Variants in LRMDA observed in about 807,000 individuals in gnomAD.
LRMDA encodes the protein leucine rich melanocyte differentiation associated.
A neutral mutation model predicts 29.8 loss-of-function variants in LRMDA; 18 were observed. The observed-to-expected ratio is 0.60, with a 90% CI of 0.42 to 0.90. The LOEUF (loss-of-function observed/expected upper bound fraction) is 0.90. Ranked by LOEUF, LRMDA falls within the 40% of genes least tolerant of loss-of-function variation. The pLI is 0.00. For synonymous variants in LRMDA, 125 were observed against 109.4 expected, an observed-to-expected ratio of 1.14 and a Z score of -0.89; for missense variants, 273 against 273.9, an observed-to-expected ratio of 1.00 and a Z score of 0.02.
At chr10:76,528,008 G>A (rs1188551057) in intron 6 of LRMDA, among the ~76,000 whole-genome samples, 2 of 152,062 alleles carry the variant, frequency 1.3e-5, no homozygotes, top group Non-Finnish European at 2.9e-5. Context: ...AAAAAGTAAA[G>A]CAACTCTTGG....
intron 2 of LRMDA, among the ~76,000 whole-genome samples, chr10:75,899,300 A>G (rs190617271): frequency 7.9e-5 from 12 of 152,360 alleles, no homozygotes; most frequent in Middle Eastern, 3.4e-3. Context: ...CGATGCTAGA[A>G]TAAGTCTAGC....
intron 5 of LRMDA, among the ~76,000 whole-genome samples, chr10:76,141,464 T>A (rs1025155052): frequency 6.6e-6 from 1 of 152,164 alleles, no homozygotes; most frequent in Admixed American, 6.6e-5. Flanking sequence ...TCATGTGTAA[T>A]TAACATACTG....
intron 6 of LRMDA, among the ~76,000 whole-genome samples, chr10:76,454,388 A>T (rs1351487447): frequency 6.6e-6 from 1 of 152,196 alleles, no homozygotes; most frequent in African/African-American, 2.4e-5. Context: ...TGTTTAATGC[A>T]GACTCCCTAA....
intron 5 of LRMDA, among the ~76,000 whole-genome samples, chr10:76,304,248 T>A (rs1201536063): frequency 6.6e-6 from 1 of 152,194 alleles, no homozygotes; most frequent in Non-Finnish European, 1.5e-5. Context: ...GGGTCCCTCC[T>A]GCCAGATCCC....
chr10:75,921,932 C>T (rs1445997532), intron 2 of LRMDA, among the ~76,000 whole-genome samples: 3 of 152,188 alleles, frequency 2.0e-5, no homozygotes, highest in African/African-American at 7.2e-5. Flanking sequence ...ATTAATGTGT[C>T]TTAACAGTAA....
chr10:75,757,286 C>T (rs1843043592), intron 2 of LRMDA, among the ~76,000 whole-genome samples: 1 of 152,156 alleles, frequency 6.6e-6, no homozygotes, highest in Admixed American at 6.5e-5. Context: ...TCTCAGTCAG[C>T]ACTCAGGGGA....
intron 2 of LRMDA, among the ~76,000 whole-genome samples, chr10:75,462,361 C>T (rs992721416): frequency 1.5e-4 from 23 of 152,270 alleles, no homozygotes; most frequent in African/African-American, 4.8e-4. Flanking sequence ...TTTACATCAG[C>T]GGCAGGTGTA....
intron 5 of LRMDA, among the ~76,000 whole-genome samples, chr10:76,280,478 A>G (rs1165599601): frequency 1.3e-5 from 2 of 152,202 alleles, no homozygotes; most frequent in Non-Finnish European, 2.9e-5. Flanking sequence ...ACTGAAAATT[A>G]TTGATACCCT....
chr10:75,446,152 G>A (rs886554301), intron 2 of LRMDA, among the ~76,000 whole-genome samples: 15 of 152,234 alleles, frequency 9.9e-5, no homozygotes, highest in Non-Finnish European at 7.3e-5. Flanking sequence ...GAGCTGGGCT[G>A]TTAACTTGCT....
rs564970802 is a variant in LRMDA, at chr10:76,463,906, G to A, written c.602-93303G>A. On this transcript the variant is annotated intron_variant, in intron 6 of 6. Transcript: ENST00000611255. ...CAGTCCAGTGCCTGGCACACAGTAG[G>A]TGCAAAATAAATTTTTTTTTTTTTT... Among the ~76,000 whole-genome samples, 13 of 122,768 alleles carry A rather than the reference G, an allele frequency of 1.1e-4. No homozygotes were observed. In the South Asian group the frequency reaches 3.2e-3, roughly 30 times the overall value. 80.5% of individuals were successfully genotyped at this position (122,768 alleles called of 152,430 possible).
At chr10:75,562,829 C>A (rs1425681446) in intron 2 of LRMDA, among the ~76,000 whole-genome samples, 2 of 152,122 alleles carry the variant, frequency 1.3e-5, no homozygotes, top group Non-Finnish European at 2.9e-5. Flanking sequence ...ATTGAAAATT[C>A]TTTTCTTTAA....
intron 6 of LRMDA, among the ~76,000 whole-genome samples, chr10:76,477,456 C>T (rs4745817): frequency 7.3e-5 from 11 of 151,526 alleles, no homozygotes; most frequent in Non-Finnish European, 1.0e-4. Flanking sequence ...GAATCAATAT[C>T]GTGAAAATGG....
chr10:76,010,871 C>T (rs978203604), intron 2 of LRMDA, among the ~76,000 whole-genome samples: 5 of 152,242 alleles, frequency 3.3e-5, no homozygotes, highest in Admixed American at 2.0e-4. Context: ...CATGGCCAGC[C>T]CTGGCTGAAC....
intron 2 of LRMDA, among the ~76,000 whole-genome samples, chr10:75,587,068 C>G (rs182435267): frequency 1.3e-5 from 2 of 152,236 alleles, no homozygotes; most frequent in Admixed American, 1.3e-4. Context: ...TGTCAAGAAG[C>G]CTTTCCTCGG....
chr10:75,431,843 C>A, intron 1 of LRMDA, 89 bp downstream of exon 1: 2 of 1,197,986 alleles, frequency 1.7e-6, no homozygotes, highest in Non-Finnish European at 2.1e-6. Context: ...GGCCTAGACA[C>A]CCCTGTCCCC....
intron 5 of LRMDA, among the ~76,000 whole-genome samples, chr10:76,145,045 G>C (rs186016199): frequency 0.023 from 3,452 of 152,236 alleles, 55 homozygotes; most frequent in Non-Finnish European, 0.032. Flanking sequence ...ATGAAGCCCA[G>C]TTGATCATGG....
chr10:75,858,534 C>T (rs1175189412), intron 2 of LRMDA, among the ~76,000 whole-genome samples: 1 of 152,166 alleles, frequency 6.6e-6, no homozygotes, highest in Non-Finnish European at 1.5e-5. Flanking sequence ...TTCCCTTGAC[C>T]AAGTCACATG....
At chr10:76,492,192 C>T (rs1842840125) in intron 6 of LRMDA, among the ~76,000 whole-genome samples, 1 of 151,964 alleles carries the variant, frequency 6.6e-6, no homozygotes, top group South Asian at 2.1e-4. Context: ...AGAATTGGTC[C>T]CTGGTGGTTT....
intron 5 of LRMDA, among the ~76,000 whole-genome samples, chr10:76,219,094 T>G (rs1851780223): frequency 6.6e-6 from 1 of 152,096 alleles, no homozygotes; most frequent in African/African-American, 2.4e-5. Flanking sequence ...AGGCCTGCCC[T>G]AAAAGAACTC....
Sources: gnomAD v4.1 joint callset for allele counts (sites outside exome capture counted in the v4.1 genomes callset) on GRCh38, gnomAD v4.1.1 for gene constraint, MANE v1.5 for transcripts, NCBI Gene and HGNC (gene_info 2026-07-23, HGNC 2026-07-21) for gene names.